EPHA3: variants seen among roughly 807,000 people sequenced by gnomAD.
EPHA3 encodes ephrin type-A receptor 3.
In EPHA3, 42 loss-of-function variants were observed where a neutral mutation model predicts 107.1. The observed-to-expected ratio is 0.39, with a 90% CI of 0.31 to 0.51. The LOEUF is 0.51. Among genes scored for constraint, EPHA3 ranks in the 20% least tolerant of loss-of-function variants. The pLI is 0.78. For missense variants in EPHA3, 1,183 were observed against 1,211.2 expected (o/e 0.98, Z 0.35); for synonymous variants, 461 against 424.8 (o/e 1.09, Z -1.05).
chr3:89,446,705 CT>C (rs943016923), intron 13 of EPHA3, among the ~76,000 whole-genome samples: 10 of 147,036 alleles, frequency 6.8e-5, no homozygotes, highest in African/African-American at 1.2e-4. Flanking sequence ...TTTCTTTTTT[CT>C]TTTTTTTAGT....
At chr3:89,422,047 C>A (rs1709362174) in intron 11 of EPHA3, among the ~76,000 whole-genome samples, 1 of 151,128 alleles carries the variant, frequency 6.6e-6, no homozygotes, top group Admixed American at 6.6e-5. Context: ...CCAGTCATCT[C>A]ATATATTGTA....
chr3:89,205,029 G>T (rs1706066535), intron 2 of EPHA3, among the ~76,000 whole-genome samples: 1 of 152,100 alleles, frequency 6.6e-6, no homozygotes, highest in African/African-American at 2.4e-5. Flanking sequence ...TATTGCTGAT[G>T]CATTTCCCTT....
chr3:89,185,781 G>T (rs1433285550), intron 2 of EPHA3, among the ~76,000 whole-genome samples: 2 of 151,994 alleles, frequency 1.3e-5, no homozygotes, highest in Non-Finnish European at 2.9e-5. Context: ...GATGATTTAG[G>T]TTTAACATTC....
rs1321435491 is a variant in EPHA3, at chr3:89,319,822, G to A, written c.815-21094G>A. On this transcript the variant is annotated intron_variant, in intron 3 of 16. Transcript: ENST00000336596. ...AATTAAAAATTATTAGTGGTTTTCA[G>A]TAGAGGCTCATGGTGTAACAGCTTG... Among the ~76,000 whole-genome samples, 5 of 151,952 alleles carry A rather than the reference G, an allele frequency of 3.3e-5. No individual in the cohort carries two copies. The East Asian group carries it at 9.6e-4, about 29-fold the overall frequency.
chr3:89,404,773 A>AT (rs1423648638), intron 7 of EPHA3, among the ~76,000 whole-genome samples: 3 of 152,096 alleles, frequency 2.0e-5, no homozygotes, highest in African/African-American at 7.2e-5. Flanking sequence ...ATAGATAATT[A>AT]TTTTTTCTCC....
chr3:89,207,698 C>T (rs866813193), intron 2 of EPHA3, among the ~76,000 whole-genome samples: 6 of 152,122 alleles, frequency 3.9e-5, no homozygotes, highest in Middle Eastern at 3.4e-3. Context: ...TGTAGGAACA[C>T]ATTTATAATG....
chr3:89,363,354 C>T (rs1247088735), intron 5 of EPHA3, among the ~76,000 whole-genome samples: 1 of 150,618 alleles, frequency 6.6e-6, no homozygotes, highest in African/African-American at 2.4e-5. Flanking sequence ...CTGCCAAATC[C>T]ACAGACTGCA....
Position 89,479,712 on chromosome 3 carries a change from T to C in EPHA3, c.*210T>C. 2 of 478,986 alleles carry C rather than the reference T, an allele frequency of 4.2e-6. No individual in the cohort carries two copies. The highest frequency in any genetic ancestry group is 7.4e-6 in the Non-Finnish European group (2 of 269,226). The allele number at this position is 478,986 out of a possible 1,614,324, so 29.7% of individuals were successfully genotyped here. On this transcript the variant is annotated 3_prime_UTR_variant, in exon 17 of 17. Transcript: ENST00000336596. The stretch of plus-strand genomic sequence containing the variant: ...GATGGGTGGGTGGGGTATTTTTTTG[T>C]AATTGCTTTTTTAAATATTAGTTAA...
At chr3:89,111,510 C>T (rs1282466888) in intron 1 of EPHA3, among the ~76,000 whole-genome samples, 1 of 129,154 alleles carries the variant, frequency 7.7e-6, no homozygotes, top group Non-Finnish European at 1.7e-5. Flanking sequence ...CCCCTACATC[C>T]CCCCCCCACC....
chr3:89,131,511 A>G (rs1366876259), intron 2 of EPHA3, among the ~76,000 whole-genome samples: 1 of 152,200 alleles, frequency 6.6e-6, no homozygotes, highest in Non-Finnish European at 1.5e-5. Context: ...TAGACTACAT[A>G]TCACTACATA....
chr3:89,310,134 TAA>T (rs1258872470), intron 3 of EPHA3, among the ~76,000 whole-genome samples: 4 of 152,072 alleles, frequency 2.6e-5, no homozygotes, highest in Admixed American at 1.3e-4. Flanking sequence ...GCAGAGTTTT[TAA>T]TGAGCTGGTA....
rs1227778420 is a variant in EPHA3, at chr3:89,309,720, C to A, written c.815-31196C>A. ...AAATATTTTTGGTTTCAGGCCAAAC[C>A]TATGTTCCCTAGGTCAATAGTAATA... On this transcript the variant is annotated intron_variant, in intron 3 of 16. Coordinates refer to ENST00000336596, the MANE Select transcript of EPHA3 (RefSeq NM_005233.6). Among the ~76,000 whole-genome samples, 12 of 152,060 alleles carry A rather than the reference C, an allele frequency of 7.9e-5. No individual in the cohort carries two copies. The East Asian group carries it at 1.7e-3, about 22-fold the overall frequency.
Position 89,449,283 on chromosome 3 carries a change from C to A in EPHA3, c.2405C>A (p.Thr802Lys). 6.2e-7 allele frequency: 1 copy of A among 1,612,352 alleles called. No homozygotes were observed. The highest frequency in any genetic ancestry group is 1.1e-5 in the South Asian group (1 of 90,872). Residue 802 changes from threonine to lysine, a missense_variant, in exon 14 of 17, where the codon ACG (threonine) becomes AAG (lysine). Coordinates refer to ENST00000336596, the MANE Select transcript of EPHA3 (RefSeq NM_005233.6). ...SPEAIAYRKF[T>K]SASDVWSYGI... Reference sequence around the variant, plus strand: ...GAAGCTATAGCCTACCGCAAGTTCACGTCAGCCAGCGATGTATGGAGTTAT... The same window carrying A: ...GAAGCTATAGCCTACCGCAAGTTCAAGTCAGCCAGCGATGTATGGAGTTAT...
chr3:89,361,286 G>C (rs988901648), intron 5 of EPHA3, among the ~76,000 whole-genome samples: 2 of 150,942 alleles, frequency 1.3e-5, no homozygotes, highest in African/African-American at 2.4e-5. Flanking sequence ...CCTTTTTAAA[G>C]GGTGTCATGT....
In EPHA3 at chr3:89,399,296, ATT is replaced by A; in HGVS notation, c.1432-14_1432-13del. 1 of 1,570,282 alleles carries A rather than the reference ATT, an allele frequency of 6.4e-7. No individual in the cohort carries two copies. On this transcript the variant is annotated intron_variant, in intron 6 of 16. Transcript: ENST00000336596. ...TTATGAAGATTTGATTTTAACATGA[ATT>A]TTTTTTTCTGACCTCAAAGCAGGAA...
intron 6 of EPHA3, among the ~76,000 whole-genome samples, chr3:89,398,019 A>T (rs1186547875): frequency 6.6e-6 from 1 of 152,204 alleles, no homozygotes; most frequent in Non-Finnish European, 1.5e-5. Context: ...TGCATCACAT[A>T]TACCTAAATT....
chr3:89,117,951 A>G (rs1429607575), intron 1 of EPHA3, among the ~76,000 whole-genome samples: 3 of 152,054 alleles, frequency 2.0e-5, no homozygotes, highest in Non-Finnish European at 4.4e-5. Context: ...GCATCATAGA[A>G]AACTAGAACT....
chr3:89,210,031 A>G lies in EPHA3; in HGVS notation c.325A>G (p.Ile109Val). ...LKFTLRDCNS[I>V]PLVLGTCKET... Reference sequence around the variant, plus strand: ...GTTCACTCTACGAGACTGCAATAGCATTCCATTGGTTTTAGGAACTTGCAA... The same window carrying G: ...GTTCACTCTACGAGACTGCAATAGCGTTCCATTGGTTTTAGGAACTTGCAA... The change falls in exon 3 of 17, where the codon ATT becomes GTT. Residue 109 changes from isoleucine (I) to valine (V), a missense_variant. Ile to Val is a conservative substitution (Grantham distance 29). Coordinates refer to ENST00000336596, the MANE Select transcript of EPHA3 (RefSeq NM_005233.6). 1 of 1,614,082 alleles carries G rather than the reference A, an allele frequency of 6.2e-7. No homozygotes were observed. Among genetic ancestry groups the G allele is most frequent in the Non-Finnish European group, 8.5e-7 (1 of 1,179,938 alleles).
chr3:89,440,905 C>G (rs754945226), intron 13 of EPHA3, among the ~76,000 whole-genome samples: 4 of 152,126 alleles, frequency 2.6e-5, no homozygotes, highest in Non-Finnish European at 4.4e-5. Flanking sequence ...CTTTAAGAGT[C>G]CAAAATAATT....
Sources: gnomAD v4.1 joint callset for allele counts (sites outside exome capture counted in the v4.1 genomes callset) on GRCh38, gnomAD v4.1.1 for gene constraint, MANE v1.5 for transcripts, NCBI Gene and HGNC (gene_info 2026-07-23, HGNC 2026-07-21) for gene names.